PHLPP1: variants seen among roughly 807,000 people sequenced by gnomAD.
PHLPP1 encodes PH domain leucine-rich repeat-containing protein phosphatase 1.
A neutral mutation model predicts 117.2 loss-of-function variants in PHLPP1; 42 were observed. The observed-to-expected ratio is 0.36, with a 90% CI of 0.28 to 0.46. The LOEUF (loss-of-function observed/expected upper bound fraction) is 0.46. Ranked by LOEUF, PHLPP1 falls within the 20% of genes least tolerant of loss-of-function variation. The pLI is 1.00. For synonymous variants in PHLPP1, 1,042 were observed against 970.7 expected (o/e 1.07, Z -1.37); for missense variants, 2,084 against 2,241.9 (o/e 0.93, Z 1.42).
At chr18:62,795,583 G>C (rs1477470990) in intron 1 of PHLPP1, among the ~76,000 whole-genome samples, 1 of 151,372 alleles carries the variant, frequency 6.6e-6, no homozygotes, top group Non-Finnish European at 1.5e-5. Flanking sequence ...AGCTGGACTT[G>C]GTCACTGGAT....
chr18:62,845,537 A>G (rs1421263052), intron 3 of PHLPP1, among the ~76,000 whole-genome samples: 1 of 152,220 alleles, frequency 6.6e-6, no homozygotes, highest in Admixed American at 6.5e-5. Flanking sequence ...TACTCAAGGA[A>G]TACTTAACTA....
intron 10 of PHLPP1, among the ~76,000 whole-genome samples, chr18:62,928,190 AT>A (rs1909701741): frequency 6.6e-6 from 1 of 152,216 alleles, no homozygotes; most frequent in African/African-American, 2.4e-5. Flanking sequence ...AACTAAAAAA[AT>A]AGATAAATTG....
chr18:62,815,152 T>C (rs548343253), intron 1 of PHLPP1, among the ~76,000 whole-genome samples: 1 of 151,434 alleles, frequency 6.6e-6, no homozygotes, highest in Non-Finnish European at 1.5e-5. Flanking sequence ...TGTTTCTTTT[T>C]TTTTTTTCCT....
At chr18:62,810,833 A>G (rs1346633834) in intron 1 of PHLPP1, among the ~76,000 whole-genome samples, 2 of 152,240 alleles carry the variant, frequency 1.3e-5, no homozygotes, top group Non-Finnish European at 2.9e-5. Context: ...AAAACCAAAG[A>G]AAATTAGACT....
intron 1 of PHLPP1, among the ~76,000 whole-genome samples, chr18:62,799,940 G>T (rs1338435946): frequency 6.6e-6 from 1 of 152,128 alleles, no homozygotes; most frequent in East Asian, 1.9e-4. Flanking sequence ...CAGGGTATTG[G>T]GGAACTGCAA....
intron 1 of PHLPP1, among the ~76,000 whole-genome samples, chr18:62,795,665 G>C (rs1038498747): frequency 1.3e-5 from 2 of 152,066 alleles, no homozygotes; most frequent in Non-Finnish European, 2.9e-5. Context: ...ACCTGAATTA[G>C]AAATGAAAAC....
In PHLPP1 at chr18:62,866,191, G is replaced by A. The variant is rs1041970032; in HGVS notation, c.2066+5590G>A. ...ACAAGGTTTCAACTATATCTGTAAC[G>A]TTTATTTCTTTAAAAAGAAAAATGA... On this transcript the variant is annotated intron_variant, in intron 4 of 16. Transcript: ENST00000262719. Among the ~76,000 whole-genome samples, 6 of 151,540 alleles carry A rather than the reference G, an allele frequency of 4.0e-5. 1 individual carries two copies. The highest frequency in any genetic ancestry group is 2.4e-5 in the African/African-American group (1 of 41,330).
intron 10 of PHLPP1, among the ~76,000 whole-genome samples, chr18:62,934,881 A>G (rs1909925149): frequency 6.6e-6 from 1 of 152,240 alleles, no homozygotes; most frequent in South Asian, 2.1e-4. Context: ...ATGGAGGGAT[A>G]CTTCTTTAAC....
At chr18:62,954,768 T>C (rs933515711) in intron 12 of PHLPP1, among the ~76,000 whole-genome samples, 9 of 152,376 alleles carry the variant, frequency 5.9e-5, no homozygotes, top group Admixed American at 5.9e-4. Flanking sequence ...AAATGCTATC[T>C]ATTCTATGCT....
rs554257232 is a variant in PHLPP1, at chr18:62,813,023, G to A, written c.1577-17012G>A. Reference sequence around the variant, plus strand: ...ATGCTGAAAGGACTCTTAAGGTATTGTGTGAAGTTATGCACAGGAAATGTG... The same window carrying A: ...ATGCTGAAAGGACTCTTAAGGTATTATGTGAAGTTATGCACAGGAAATGTG... On this transcript the variant is annotated intron_variant, in intron 1 of 16. Coordinates refer to ENST00000262719, the MANE Select transcript of PHLPP1 (RefSeq NM_194449.4). 8.1e-4 allele frequency among the ~76,000 whole-genome samples: 123 copies of A among 152,314 alleles called. 1 individual carries two copies. Among genetic ancestry groups the A allele is most frequent in the South Asian group, 1.5e-3 (7 of 4,826 alleles).
chr18:62,845,546 T>TAATC (rs1915159394), intron 3 of PHLPP1, among the ~76,000 whole-genome samples: 1 of 152,234 alleles, frequency 6.6e-6, no homozygotes, highest in South Asian at 2.1e-4. Context: ...AATACTTAAC[T>TAATC]AATCAATTGA....
chr18:62,807,118 G>A (rs572549256), intron 1 of PHLPP1, among the ~76,000 whole-genome samples: 1 of 151,918 alleles, frequency 6.6e-6, no homozygotes, highest in South Asian at 2.1e-4. Flanking sequence ...AGTCTTTTGG[G>A]ATTATTTCAA....
intron 1 of PHLPP1, among the ~76,000 whole-genome samples, chr18:62,800,603 G>T (rs960181362): frequency 6.6e-6 from 1 of 151,780 alleles, no homozygotes; most frequent in Admixed American, 6.6e-5. Context: ...TGGGCTGTTT[G>T]TCTCGGGGGA....
At chr18:62,810,306 T>G (rs1012595679) in intron 1 of PHLPP1, among the ~76,000 whole-genome samples, 2 of 152,210 alleles carry the variant, frequency 1.3e-5, no homozygotes, top group South Asian at 4.1e-4. Context: ...AGCAATCTAT[T>G]TGGAGCTTTG....
At chr18:62,944,589 C>T (rs1487208270) in intron 11 of PHLPP1, among the ~76,000 whole-genome samples, 2 of 152,134 alleles carry the variant, frequency 1.3e-5, no homozygotes, top group Admixed American at 1.3e-4. Context: ...TGCTCCTTAC[C>T]ACCACTTTGT....
At chr18:62,750,981 C>T (rs1168782665) in intron 1 of PHLPP1, among the ~76,000 whole-genome samples, 2 of 152,134 alleles carry the variant, frequency 1.3e-5, no homozygotes, top group African/African-American at 2.4e-5. Flanking sequence ...TCTCAGGTGT[C>T]CCTGATTCCT....
chr18:62,915,542 T>C (rs1909244189), intron 9 of PHLPP1, among the ~76,000 whole-genome samples: 2 of 152,212 alleles, frequency 1.3e-5, no homozygotes, highest in African/African-American at 4.8e-5. Context: ...TATGTTCTTA[T>C]TTTTATTTTA....
intron 3 of PHLPP1, among the ~76,000 whole-genome samples, chr18:62,848,477 T>TC (rs1401123929): frequency 1.4e-5 from 2 of 147,688 alleles, no homozygotes; most frequent in African/African-American, 5.0e-5. Flanking sequence ...TTTTTTTTTT[T>TC]TTTGAGACAG....
Position 62,915,015 on chromosome 18 carries a change from A to C in PHLPP1, c.2804+7A>C. ...TATGTGAACTTCCTGCCCGGTGAGT[A>C]TTACAGATCAAATGAGAGGATCTCA... On this transcript the variant is annotated splice_region_variant and intron_variant, in intron 9 of 16. Transcript: ENST00000262719. 6.3e-7 allele frequency: 1 copy of C among 1,587,032 alleles called. No homozygotes were observed. The highest frequency in any genetic ancestry group is 8.6e-7 in the Non-Finnish European group (1 of 1,158,740).
Sources: gnomAD v4.1 joint callset for allele counts (sites outside exome capture counted in the v4.1 genomes callset) on GRCh38, gnomAD v4.1.1 for gene constraint, MANE v1.5 for transcripts, NCBI Gene and HGNC (gene_info 2026-07-23, HGNC 2026-07-21) for gene names.